Variants in CABIN1 observed in about 807,000 individuals in gnomAD.
CABIN1 encodes calcineurin-binding protein cabin-1.
CABIN1 carries 133 observed loss-of-function variants against 227.7 expected under a neutral mutation model. That is an observed-to-expected ratio of 0.58 (90% CI 0.51 to 0.67). The LOEUF (loss-of-function observed/expected upper bound fraction) is 0.67, where lower values mean the gene tolerates loss of function less well. Among genes scored for constraint, CABIN1 ranks in the 30% least tolerant of loss-of-function variants. The pLI is 0.00. For missense variants in CABIN1, 2,408 were observed against 2,852.5 expected (o/e 0.84, Z 3.55); for synonymous variants, 1,086 against 1,155.1 (o/e 0.94, Z 1.21).
In CABIN1 at chr22:24,059,946, C is replaced by G. The variant is rs772214137; in HGVS notation, c.1422C>G (p.Phe474Leu). 5.0e-6 allele frequency: 8 copies of G among 1,614,200 alleles called. No homozygotes were observed. The highest frequency in any genetic ancestry group is 8.5e-7 in the Non-Finnish European group (1 of 1,180,024). ...MESEKQDVHE[F>L]LLENLTNGGI... ...CAGAAAAGCAGGACGTGCATGAGTT[C>G]CTGCTGGAGAACCTAACCAACGGGG... Residue 474 changes from phenylalanine (F) to leucine (L), a missense_variant, in exon 12 of 37, where the codon TTC (phenylalanine) becomes TTG (leucine). By Grantham distance (22) the Phe-to-Leu change is conservative. Coordinates refer to ENST00000263119, the MANE Select transcript of CABIN1 (RefSeq NM_012295.4).
At chr22:24,147,398 T>TTCCTTCCCTCCACCTC (rs2045213425) in intron 29 of CABIN1, among the ~76,000 whole-genome samples, 1 of 144,058 alleles carries the variant, frequency 6.9e-6, no homozygotes, top group Non-Finnish European at 1.5e-5. Flanking sequence ...CCTCCCTTCC[T>TTCCTTCCCTCCACCTC]TCCTTCCCTC....
intron 17 of CABIN1, chr22:24,071,325 G>A (rs1211609703): frequency 6.1e-6 from 3 of 489,182 alleles, no homozygotes; most frequent in Non-Finnish European, 1.1e-5. Context: ...CTCACGGGGA[G>A]GCCCTGGTCT....
chr22:24,021,126 A>G (rs1312991624), intron 1 of CABIN1, among the ~76,000 whole-genome samples: 1 of 151,956 alleles, frequency 6.6e-6, no homozygotes, highest in Non-Finnish European at 1.5e-5. Context: ...CAGTCTGCTC[A>G]GTAGCTGGGA....
At chr22:24,135,712 C>CTTCTGTA (rs1411043328) in intron 29 of CABIN1, among the ~76,000 whole-genome samples, 3 of 152,222 alleles carry the variant, frequency 2.0e-5, no homozygotes, top group Admixed American at 6.5e-5. Flanking sequence ...GCTTTGGTTT[C>CTTCTGTA]TTCTGTATTT....
Position 24,095,945 on chromosome 22 carries a change from C to G in CABIN1, c.3801C>G (p.Leu1267=), listed in dbSNP as rs773131608. Residue 1267 remains leucine (L), a synonymous_variant, in exon 25 of 37, where the codon CTC becomes CTG. Coordinates refer to ENST00000263119, the MANE Select transcript of CABIN1 (RefSeq NM_012295.4). ...AMEALEVYFR[L]HASILKLLGK... ...CGTTCTCCTAGGTGTACTTTCGGCT[C>G]CATGCTTCCATCCTGAAGCTCCTGG... 18 of 1,613,950 alleles carry G rather than the reference C, an allele frequency of 1.1e-5. No individual in the cohort carries two copies. The East Asian group carries it at 3.6e-4, about 32-fold the overall frequency.
chr22:24,121,332 C>T (rs758921075), intron 28 of CABIN1, among the ~76,000 whole-genome samples: 3 of 152,184 alleles, frequency 2.0e-5, no homozygotes, highest in Non-Finnish European at 2.9e-5. Flanking sequence ...CCACAGTGAC[C>T]GGTATGCTCA....
At chr22:24,077,710 G>A (rs895403298) in intron 19 of CABIN1, among the ~76,000 whole-genome samples, 1 of 152,174 alleles carries the variant, frequency 6.6e-6, no homozygotes, top group African/African-American at 2.4e-5. Context: ...CCAACCCTCT[G>A]CAGGGACAGT....
rs1555924958 is a variant in CABIN1 at position 24,064,535 on chromosome 22, T to TA, written c.2037+349dup. 2.7e-3 allele frequency among the ~76,000 whole-genome samples: 395 copies of TA among 147,866 alleles called. 2 individuals carry two copies. The highest frequency in any genetic ancestry group is 4.4e-3 in the Non-Finnish European group (298 of 67,146). ...AGGTTTTTTTTTTTTTTTTTTTTTT[T>TA]ATTGATCATTCTTGGGTGTTTCTCG... On this transcript the variant is annotated intron_variant, in intron 15 of 36. Coordinates refer to ENST00000263119, the MANE Select transcript of CABIN1 (RefSeq NM_012295.4).
chr22:24,146,454 C>T (rs1036308159), intron 29 of CABIN1, among the ~76,000 whole-genome samples: 11 of 152,140 alleles, frequency 7.2e-5, no homozygotes, highest in African/African-American at 2.7e-4. Context: ...GTCTGAAGGC[C>T]GCCCTGTCTG....
At chr22:24,059,154 C>A in intron 10 of CABIN1, 73 bp from the exon 11 acceptor site, 1 of 1,590,728 alleles carries the variant, frequency 6.3e-7, no homozygotes, top group Non-Finnish European at 8.6e-7. Flanking sequence ...TTTAGTTTCT[C>A]TAACAGGAAG....
chr22:24,063,982 C>T (rs947069620), intron 14 of CABIN1, 53 bp from the exon 15 acceptor site: 56 of 1,610,162 alleles, frequency 3.5e-5, no homozygotes, highest in Non-Finnish European at 4.2e-5. Flanking sequence ...GCATCTGGCA[C>T]ATCATAGTCA....
At chr22:24,051,818 T>C (rs1020762377) in intron 8 of CABIN1, among the ~76,000 whole-genome samples, 3 of 152,044 alleles carry the variant, frequency 2.0e-5, no homozygotes, top group African/African-American at 7.2e-5. Flanking sequence ...ACAAAACATG[T>C]AGGGCTAGCA....
chr22:24,146,173 G>A (rs889113903), intron 29 of CABIN1, among the ~76,000 whole-genome samples: 1 of 152,220 alleles, frequency 6.6e-6, no homozygotes, highest in African/African-American at 2.4e-5. Context: ...GAGCTACTTG[G>A]CTGTAGTAGG....
At chr22:24,073,146 C>T (rs2040209200) in intron 18 of CABIN1, among the ~76,000 whole-genome samples, 1 of 152,136 alleles carries the variant, frequency 6.6e-6, no homozygotes, top group African/African-American at 2.4e-5. Flanking sequence ...GATCCATAGT[C>T]AGTGCAATGG....
intron 23 of CABIN1, among the ~76,000 whole-genome samples, chr22:24,088,525 T>C (rs1340136509): frequency 6.6e-6 from 1 of 152,086 alleles, no homozygotes; most frequent in Non-Finnish European, 1.5e-5. Context: ...GGAGAATTGC[T>C]TGAACCTGAG....
chr22:24,157,914 G>A (rs903972231), intron 29 of CABIN1, among the ~76,000 whole-genome samples: 3 of 152,144 alleles, frequency 2.0e-5, no homozygotes, highest in African/African-American at 4.8e-5. Context: ...AGGCTCCATC[G>A]CTCTCTAGCT....
At chr22:24,083,675 G>A (rs993227548) in intron 20 of CABIN1, among the ~76,000 whole-genome samples, 10 of 152,306 alleles carry the variant, frequency 6.6e-5, no homozygotes, top group African/African-American at 2.4e-4. Context: ...GGGTAGGAGG[G>A]TTACTTGAGG....
chr22:24,058,205 T>A (rs1175087689), intron 10 of CABIN1, among the ~76,000 whole-genome samples: 1 of 152,206 alleles, frequency 6.6e-6, no homozygotes, highest in Non-Finnish European at 1.5e-5. Flanking sequence ...TTGTTTTTTG[T>A]AGAGATGAGG....
intron 29 of CABIN1, among the ~76,000 whole-genome samples, chr22:24,135,739 A>G (rs1262014091): frequency 3.3e-5 from 5 of 151,862 alleles, no homozygotes; most frequent in African/African-American, 1.2e-4. Context: ...ATTCCCTCTT[A>G]CTCATGGAGA....
Sources: allele counts gnomAD v4.1 joint callset (sites outside exome capture counted in the v4.1 genomes callset), GRCh38; gene constraint gnomAD v4.1.1; transcripts MANE v1.5; gene names NCBI Gene and HGNC (gene_info 2026-07-23, HGNC 2026-07-21).